NAALADL2: variants seen among roughly 807,000 people sequenced by gnomAD.
NAALADL2 encodes the protein inactive N-acetylated-alpha-linked acidic dipeptidase-like protein 2.
A neutral mutation model predicts 87.2 loss-of-function variants in NAALADL2; 76 were observed. The ratio of observed to expected loss-of-function variants is 0.87; its 90% CI spans 0.72 to 1.05. NAALADL2 has a LOEUF of 1.05. Ranked by LOEUF, NAALADL2 falls within the 50% of genes least tolerant of loss-of-function variation. The pLI is 0.00. For missense variants in NAALADL2, 1,089 were observed against 945.8 expected, an observed-to-expected ratio of 1.15 and a Z score of -1.99; for synonymous variants, 354 against 331.0, an observed-to-expected ratio of 1.07 and a Z score of -0.75.
intron 5 of NAALADL2, among the ~76,000 whole-genome samples, chr3:175,345,727 G>A (rs1004003821): frequency 1.2e-4 from 19 of 152,054 alleles, no homozygotes; most frequent in Admixed American, 6.6e-5. Context: ...GTCACCCATG[G>A]CATTTATGTA....
intron 11 of NAALADL2, among the ~76,000 whole-genome samples, chr3:175,699,533 C>T (rs988620525): frequency 2.6e-5 from 4 of 151,948 alleles, no homozygotes; most frequent in Admixed American, 2.0e-4. Flanking sequence ...GTGCTTCTAC[C>T]ACACTAGCCC....
rs897136437 is a variant in NAALADL2 at position 174,716,437 on chromosome 3, A to G, written c.-114-21204A>G. ...AGGGTTCCAAATATGATAATATGCA[A>G]TTTTGGTGTTCCAAATTAATACAGT... On this transcript the variant is annotated intron_variant, in intron 2 of 3. Transcript: ENST00000434257. Among the ~76,000 whole-genome samples, 10 of 152,070 alleles carry G rather than the reference A, an allele frequency of 6.6e-5. No individual in the cohort carries two copies. The South Asian group carries it at 2.1e-3, about 31-fold the overall frequency.
intron 2 of NAALADL2, among the ~76,000 whole-genome samples, chr3:175,099,803 A>G (rs1231469920): frequency 1.3e-5 from 2 of 152,106 alleles, no homozygotes; most frequent in Non-Finnish European, 2.9e-5. Context: ...TAGACTGCAG[A>G]CTCTATAAGA....
intron 3 of NAALADL2, among the ~76,000 whole-genome samples, chr3:175,254,439 G>C (rs1749577011): frequency 6.6e-6 from 1 of 152,160 alleles, no homozygotes; most frequent in African/African-American, 2.4e-5. Flanking sequence ...CAAAATCTGT[G>C]TGATTCACTT....
chr3:175,633,331 G>GT (rs1228717479), intron 11 of NAALADL2, among the ~76,000 whole-genome samples: 1 of 152,054 alleles, frequency 6.6e-6, no homozygotes. Flanking sequence ...TTTATTTTAT[G>GT]TTTTTGGATT....
intron 1 of NAALADL2, among the ~76,000 whole-genome samples, chr3:174,944,373 C>G (rs971291440): frequency 5.3e-5 from 8 of 152,254 alleles, no homozygotes; most frequent in Admixed American, 1.3e-4. Context: ...CTTGAACTCT[C>G]CAAAAGCCAA....
intron 1 of NAALADL2, among the ~76,000 whole-genome samples, chr3:175,024,058 C>CCTT (rs1294546799): frequency 2.0e-5 from 3 of 151,708 alleles, no homozygotes; most frequent in Non-Finnish European, 4.4e-5. Flanking sequence ...ATTGGTACAT[C>CCTT]CTTCTACCCT....
intron 3 of NAALADL2, among the ~76,000 whole-genome samples, chr3:174,850,654 A>G (rs1725138277): frequency 1.3e-5 from 2 of 152,158 alleles, no homozygotes; most frequent in Non-Finnish European, 2.9e-5. Flanking sequence ...TAGAGACCCC[A>G]ATACAATAAT....
chr3:175,734,812 C>G (rs929975498), intron 11 of NAALADL2, among the ~76,000 whole-genome samples: 1 of 152,206 alleles, frequency 6.6e-6, no homozygotes, highest in African/African-American at 2.4e-5. Context: ...CCTCCCAAAC[C>G]TCCAGGCTTG....
intron 5 of NAALADL2, among the ~76,000 whole-genome samples, chr3:175,376,684 AT>A (rs1767166399): frequency 4.6e-5 from 7 of 152,070 alleles, no homozygotes; most frequent in Admixed American, 4.6e-4. Flanking sequence ...TTTTCTAGCC[AT>A]TTTTATACTC....
intron 13 of NAALADL2, among the ~76,000 whole-genome samples, chr3:175,759,687 T>C (rs1747746139): frequency 6.6e-6 from 1 of 152,140 alleles, no homozygotes; most frequent in Admixed American, 6.5e-5. Flanking sequence ...GTGAAAGATG[T>C]ATGTGGGCAT....
chr3:175,286,333 T>G (rs1028714839), intron 4 of NAALADL2, among the ~76,000 whole-genome samples: 1 of 152,166 alleles, frequency 6.6e-6, no homozygotes, highest in Non-Finnish European at 1.5e-5. Flanking sequence ...CTGTGCATCC[T>G]CTTCCTGAGC....
chr3:174,835,870 T>A (rs972868571), intron 3 of NAALADL2, among the ~76,000 whole-genome samples: 2 of 152,222 alleles, frequency 1.3e-5, no homozygotes, highest in African/African-American at 4.8e-5. Context: ...GGTTAAAATG[T>A]AGAACAATTG....
At chr3:174,673,367 G>T (rs1053001282) in intron 2 of NAALADL2, among the ~76,000 whole-genome samples, 40 of 151,910 alleles carry the variant, frequency 2.6e-4, no homozygotes, top group African/African-American at 9.4e-4. Flanking sequence ...GAGAATCTGG[G>T]GCAGCATCAT....
At chr3:175,730,443 T>TATATAC (rs1387585623) in intron 11 of NAALADL2, among the ~76,000 whole-genome samples, 7 of 64,484 alleles carry the variant, frequency 1.1e-4, no homozygotes, top group African/African-American at 2.2e-4. Flanking sequence ...TATATATATA[T>TATATAC]ACACACATAC....
At chr3:175,071,486 A>G (rs11914524) in intron 1 of NAALADL2, among the ~76,000 whole-genome samples, 16,988 of 152,050 alleles carry the variant, frequency 0.11, 1,079 homozygotes, top group East Asian at 0.21. Flanking sequence ...ATATATTTAT[A>G]TATTCACACA....
At chr3:174,812,097 C>T (rs1720279286) in intron 3 of NAALADL2, among the ~76,000 whole-genome samples, 3 of 152,120 alleles carry the variant, frequency 2.0e-5, no homozygotes, top group Admixed American at 6.6e-5. Context: ...CCTGCAGAAC[C>T]ATGAGCCAAT....
intron 2 of NAALADL2, among the ~76,000 whole-genome samples, chr3:174,726,152 T>C (rs1036179065): frequency 6.6e-6 from 1 of 152,080 alleles, no homozygotes; most frequent in Non-Finnish European, 1.5e-5. Context: ...CCAACCCTAA[T>C]CAGAAACTGT....
In NAALADL2 at chr3:174,799,932, T is replaced by C. The variant is rs138526808; in HGVS notation, c.-9+62186T>C. ...TCTTGTTATGTTTCAGCAAAGAGAC[T>C]AGTGGCATTTTGCCCCTGCCCTAGA... On this transcript the variant is annotated intron_variant, in intron 3 of 3. Transcript: ENST00000434257. Among the ~76,000 whole-genome samples, 81 of 152,274 alleles carry C rather than the reference T, an allele frequency of 5.3e-4. 1 individual carries two copies. Among genetic ancestry groups the C allele is most frequent in the African/African-American group, 1.7e-3 (71 of 41,550 alleles).
Sources: allele counts gnomAD v4.1 joint callset (sites outside exome capture counted in the v4.1 genomes callset), GRCh38; gene constraint gnomAD v4.1.1; transcripts MANE v1.5; gene names NCBI Gene and HGNC (gene_info 2026-07-23, HGNC 2026-07-21).